UMODL1: variants seen among roughly 807,000 people sequenced by gnomAD.
UMODL1 encodes the protein uromodulin-like 1.
Under a neutral mutation model 136.3 loss-of-function variants are expected in UMODL1, and 128 were observed. That is an observed-to-expected ratio of 0.94 (90% CI 0.81 to 1.09). The LOEUF (loss-of-function observed/expected upper bound fraction) is 1.09. Among genes scored for constraint, UMODL1 ranks in the 50% least tolerant of loss-of-function variants. The pLI is 0.00. For synonymous variants in UMODL1, 721 were observed against 720.0 expected (o/e 1.00, Z -0.02); for missense variants, 1,766 against 1,725.6 (o/e 1.02, Z -0.41).
chr21:42,071,781 G>A (rs2066234618), intron 1 of UMODL1, among the ~76,000 whole-genome samples: 1 of 150,970 alleles, frequency 6.6e-6, no homozygotes, highest in Admixed American at 6.6e-5. Flanking sequence ...TACAGACGCA[G>A]AAGAAAGGTC....
chr21:42,123,784 TGTGA>T lies in UMODL1; in HGVS notation c.3147+638_3147+641del, dbSNP rs1286329365. Among the ~76,000 whole-genome samples the T allele has an allele frequency of 1.3e-5, 2 of 152,064 alleles. No individual in the cohort carries two copies. Among genetic ancestry groups the T allele is most frequent in the East Asian group, 3.9e-4 (2 of 5,170 alleles). On this transcript the variant is annotated intron_variant, in intron 17 of 22. Coordinates refer to ENST00000408910, the MANE Select transcript of UMODL1 (RefSeq NM_001004416.3). The surrounding 1 kb of genome is among the most constrained non-coding windows in gnomAD (Gnocchi z 4.4). Reference sequence around the variant, plus strand: ...GCATGTGTGGATGCGTTTGTCCATGTGTGAGTGTGTATGTATGGGTGTGTGTTTG... The same window carrying T: ...GCATGTGTGGATGCGTTTGTCCATGTGTGTGTATGTATGGGTGTGTGTTTG...
chr21:42,120,888 C>T (rs2066961089), intron 15 of UMODL1, 199 bp from the exon 16 acceptor site: 1 of 579,776 alleles, frequency 1.7e-6, no homozygotes, highest in Non-Finnish European at 2.9e-6. Flanking sequence ...AGAACAGCCC[C>T]TGCAGACATA....
chr21:42,093,210 T>G (rs940231880), intron 6 of UMODL1, among the ~76,000 whole-genome samples: 4 of 120,678 alleles, frequency 3.3e-5, no homozygotes, highest in African/African-American at 1.1e-4. Flanking sequence ...ATTTAATTAA[T>G]TTTATTGTTT....
At chr21:42,140,199 C>T (rs1163581209) in intron 22 of UMODL1, among the ~76,000 whole-genome samples, 1 of 152,202 alleles carries the variant, frequency 6.6e-6, no homozygotes. Context: ...AGGGGGTGGG[C>T]TGATGTTGAC....
intron 9 of UMODL1, among the ~76,000 whole-genome samples, chr21:42,104,337 A>C (rs1427174889): frequency 1.3e-5 from 2 of 152,130 alleles, no homozygotes; most frequent in East Asian, 1.9e-4. Flanking sequence ...AAGGGACAGG[A>C]GTTCACTGTG....
chr21:42,103,494 T>C (rs1165791068), intron 8 of UMODL1: 1 of 373,184 alleles, frequency 2.7e-6, no homozygotes, highest in African/African-American at 2.1e-5. Context: ...ATAGGCATTG[T>C]TCCTTGGTGG....
rs2123419340 is a variant in UMODL1, at chr21:42,142,121, G to C, written c.*47G>C. On this transcript the variant is annotated 3_prime_UTR_variant, in exon 23 of 23. Transcript: ENST00000408910. ...GTCGCCGTGAGTCAAGCTGCCTCCA[G>C]AACCTCAGAGCTTCCCTGGTGGGCT... is the stretch of plus-strand genomic sequence containing the variant. 1 of 152,396 alleles carries C rather than the reference G, an allele frequency of 6.6e-6. No individual in the cohort carries two copies. 9.4% of individuals were successfully genotyped at this position (152,396 alleles called of 1,614,324 possible). A position where few individuals can be genotyped will look rare whatever the true frequency, so the allele number is the denominator to read the frequency against.
At chr21:42,086,731 C>T (rs2066431051) in intron 4 of UMODL1, 5 of 428,802 alleles carry the variant, frequency 1.2e-5, no homozygotes, top group South Asian at 4.9e-5. Context: ...TTTGGGAGGC[C>T]GAGGCAGGCG....
In UMODL1 at chr21:42,111,637, G is replaced by A; in HGVS notation, c.2031G>A (p.Glu677=). 1 of 1,614,098 alleles carries A rather than the reference G, an allele frequency of 6.2e-7. No individual in the cohort carries two copies. The highest frequency in any genetic ancestry group is 8.5e-7 in the Non-Finnish European group (1 of 1,179,996). The part of the protein sequence containing the change: ...TLLNPTWLRN[E]DSGPSGSVDL... ...TGAATCCCACGTGGCTGCGAAATGA[G>A]GACAGTGGACCCTCCGGTTCTGTAG... Residue 677 remains glutamate, a synonymous_variant, in exon 12 of 23, where the codon GAG becomes GAA. Transcript: ENST00000408910.
chr21:42,121,728 C>A (rs1435837437), intron 16 of UMODL1, among the ~76,000 whole-genome samples: 4 of 152,114 alleles, frequency 2.6e-5, no homozygotes, highest in African/African-American at 7.2e-5. Flanking sequence ...GCATTTATAC[C>A]AGTGAGTGTG....
Position 42,137,537 on chromosome 21 carries a change from A to G in UMODL1, c.3874A>G (p.Ile1292Val). 1.9e-6 allele frequency: 3 copies of G among 1,614,174 alleles called. No homozygotes were observed. The highest frequency in any genetic ancestry group is 1.7e-6 in the Non-Finnish European group (2 of 1,180,044). ...VLVAGTATLL[I>V]VRYQRMNGRY... Reference sequence around the variant, plus strand: ...GGTGGCGGGAACAGCCACCCTTCTGATCGTGCGCTACCAGAGAATGAATGG... The same window carrying G: ...GGTGGCGGGAACAGCCACCCTTCTGGTCGTGCGCTACCAGAGAATGAATGG... The change falls in exon 22 of 23, where the codon ATC (isoleucine) becomes GTC (valine). Residue 1292 changes from isoleucine to valine, a missense_variant. Coordinates refer to ENST00000408910, the MANE Select transcript of UMODL1 (RefSeq NM_001004416.3).
In UMODL1 at chr21:42,119,110, G is replaced by T. The variant is rs1408064764; in HGVS notation, c.2476-1G>T. 1 of 1,611,818 alleles carries T rather than the reference G, an allele frequency of 6.2e-7. No homozygotes were observed. Among genetic ancestry groups the T allele is most frequent in the Non-Finnish European group, 8.5e-7 (1 of 1,179,198 alleles). On this transcript the variant is annotated splice_acceptor_variant, in intron 14 of 22. Coordinates refer to ENST00000408910, the MANE Select transcript of UMODL1 (RefSeq NM_001004416.3). LOFTEE classifies it high-confidence loss of function. ...TCCTCACATGGCCTCTTTCCCCGCA[G>T]GTGCGGGGCTCCCTGCCAGCCACCA...
At chr21:42,128,874 G>C (rs1348943297) in intron 20 of UMODL1, among the ~76,000 whole-genome samples, 3 of 152,188 alleles carry the variant, frequency 2.0e-5, no homozygotes, top group Admixed American at 2.0e-4. Context: ...GCTGCTGTAG[G>C]AACGTACCAC....
At chr21:42,073,719 A>G (rs1290344090) in intron 1 of UMODL1, among the ~76,000 whole-genome samples, 2 of 152,188 alleles carry the variant, frequency 1.3e-5, no homozygotes, top group Non-Finnish European at 2.9e-5. Context: ...TGCGAGGTCC[A>G]AGGAGGGAAT....
chr21:42,107,331 T>C (rs1175996891), intron 9 of UMODL1, among the ~76,000 whole-genome samples: 1 of 152,192 alleles, frequency 6.6e-6, no homozygotes, highest in Non-Finnish European at 1.5e-5. Context: ...CTTCTGGGGC[T>C]CTGGAATCAA....
intron 17 of UMODL1, among the ~76,000 whole-genome samples, chr21:42,125,919 CTG>C (rs1308268074): frequency 1.3e-5 from 2 of 152,208 alleles, no homozygotes; most frequent in Non-Finnish European, 2.9e-5. Flanking sequence ...GCAGCTCCCT[CTG>C]TGTTTTTCTG....
intron 7 of UMODL1, among the ~76,000 whole-genome samples, chr21:42,101,484 G>T (rs1258044666): frequency 6.6e-6 from 1 of 152,186 alleles, no homozygotes; most frequent in East Asian, 1.9e-4. Context: ...CCAGGGTGGG[G>T]CACAGCTGCA....
upstream of UMODL1, among the ~76,000 whole-genome samples, chr21:42,069,339 C>G (rs1035041189): frequency 1.3e-5 from 2 of 151,678 alleles, no homozygotes; most frequent in African/African-American, 4.8e-5. Context: ...TAGAAACAGA[C>G]TGTTAATTTT....
intron 10 of UMODL1, among the ~76,000 whole-genome samples, 185 bp from the exon 11 acceptor site, chr21:42,110,695 G>A (rs563607463): frequency 6.6e-6 from 1 of 152,300 alleles, no homozygotes; most frequent in East Asian, 1.9e-4. Flanking sequence ...CCTTCAGAGA[G>A]CCCCGGGGAG....
Sources: gnomAD v4.1 joint callset for allele counts (sites outside exome capture counted in the v4.1 genomes callset) on GRCh38, gnomAD v4.1.1 for gene constraint, Gnocchi (gnomAD v3.1) non-coding constraint, MANE v1.5 for transcripts, NCBI Gene and HGNC (gene_info 2026-07-23, HGNC 2026-07-21) for gene names.